MACROD2: variants seen among roughly 807,000 people sequenced by gnomAD.
MACROD2 encodes the protein mono-ADP ribosylhydrolase 2.
Under a neutral mutation model 70.4 loss-of-function variants are expected in MACROD2, and 36 were observed. That is an observed-to-expected ratio of 0.51 (90% CI 0.39 to 0.68). MACROD2 has a LOEUF of 0.68. Ranked by LOEUF, MACROD2 falls within the 30% of genes least tolerant of loss-of-function variation. The pLI is 0.00. For synonymous variants in MACROD2, 172 were observed against 178.8 expected, an observed-to-expected ratio of 0.96 and a Z score of 0.30; for missense variants, 496 against 538.4, an observed-to-expected ratio of 0.92 and a Z score of 0.78.
intron 5 of MACROD2, among the ~76,000 whole-genome samples, chr20:14,914,910 T>C (rs540108352): frequency 5.9e-5 from 9 of 152,280 alleles, no homozygotes; most frequent in African/African-American, 1.7e-4. Flanking sequence ...ATTTAACATA[T>C]ACATGCGACA....
rs138499530 is a variant in MACROD2 at position 14,459,487 on chromosome 20, A to C, written c.272-33992A>C. 3.4e-4 allele frequency among the ~76,000 whole-genome samples: 52 copies of C among 152,100 alleles called. 1 individual carries two copies. The East Asian group carries it at 5.6e-3, about 16-fold the overall frequency. ...ATATATAAATATACATGTAAATATT[A>C]TGGCATATAAACAGATTTATATATG... On this transcript the variant is annotated intron_variant, in intron 3 of 17. Transcript: ENST00000684519.
chr20:15,134,001 G>A (rs937140045), intron 5 of MACROD2, among the ~76,000 whole-genome samples: 3 of 146,660 alleles, frequency 2.0e-5, no homozygotes, highest in African/African-American at 7.5e-5. Flanking sequence ...TCTGCCTCCC[G>A]GGTCACGCCA....
intron 8 of MACROD2, among the ~76,000 whole-genome samples, chr20:15,516,540 G>A: frequency 6.6e-6 from 1 of 152,180 alleles, no homozygotes; most frequent in South Asian, 2.1e-4. Flanking sequence ...GGTGCCCAGG[G>A]CAGTGCGGGT....
intron 6 of MACROD2, among the ~76,000 whole-genome samples, chr20:15,292,303 G>A (rs1388047967): frequency 6.6e-6 from 1 of 152,136 alleles, no homozygotes; most frequent in Non-Finnish European, 1.5e-5. Flanking sequence ...ATAAAAAAAA[G>A]GGATGATATT....
chr20:14,163,032 C>A (rs1371857008), intron 3 of MACROD2, among the ~76,000 whole-genome samples: 1 of 151,902 alleles, frequency 6.6e-6, no homozygotes, highest in Non-Finnish European at 1.5e-5. Context: ...TTTGTGTTTG[C>A]TTCACCAGTG....
chr20:14,772,047 G>A (rs998723953), intron 5 of MACROD2, among the ~76,000 whole-genome samples: 4 of 151,970 alleles, frequency 2.6e-5, no homozygotes, highest in African/African-American at 9.7e-5. Context: ...ATCTCATGGT[G>A]CATGACATTT....
At chr20:14,456,483 T>C (rs1409248313) in intron 3 of MACROD2, among the ~76,000 whole-genome samples, 1 of 151,826 alleles carries the variant, frequency 6.6e-6, no homozygotes, top group Non-Finnish European at 1.5e-5. Flanking sequence ...GAAGAATCAT[T>C]AAAATATTTT....
chr20:15,880,908 T>C (rs1897583389), intron 9 of MACROD2, among the ~76,000 whole-genome samples: 1 of 152,084 alleles, frequency 6.6e-6, no homozygotes, highest in African/African-American at 2.4e-5. Context: ...TCTTTAAGAC[T>C]CAGCTGAAGT....
intron 5 of MACROD2, among the ~76,000 whole-genome samples, chr20:14,912,767 T>C (rs568731122): frequency 1.8e-4 from 27 of 152,276 alleles, no homozygotes; most frequent in African/African-American, 5.5e-4. Context: ...AAGGAAAGAC[T>C]GAGTTGAGTT....
chr20:15,637,489 T>C (rs1251050956), intron 8 of MACROD2, among the ~76,000 whole-genome samples: 2 of 152,218 alleles, frequency 1.3e-5, no homozygotes, highest in African/African-American at 2.4e-5. Flanking sequence ...TCAACACCAT[T>C]TGGTCCAGCC....
At chr20:15,796,010 G>A (rs183096839) in intron 8 of MACROD2, among the ~76,000 whole-genome samples, 226 of 152,288 alleles carry the variant, frequency 1.5e-3, no homozygotes, top group Non-Finnish European at 2.5e-3. Flanking sequence ...CAAAAGGGGT[G>A]CTTTGAGCTC....
chr20:15,411,505 T>C (rs2046078811), intron 6 of MACROD2, among the ~76,000 whole-genome samples: 1 of 152,182 alleles, frequency 6.6e-6, no homozygotes. Context: ...TTTACTGAAT[T>C]TTCTCATCTG....
At chr20:14,823,801 T>C (rs1441690657) in intron 5 of MACROD2, among the ~76,000 whole-genome samples, 1 of 152,066 alleles carries the variant, frequency 6.6e-6, no homozygotes, top group Non-Finnish European at 1.5e-5. Flanking sequence ...TGTTTGTTTG[T>C]TGTTTTTTCG....
chr20:15,649,401 G>A (rs996673611), intron 8 of MACROD2, among the ~76,000 whole-genome samples: 7 of 151,782 alleles, frequency 4.6e-5, no homozygotes, highest in East Asian at 1.9e-4. Context: ...TTTCAAGAGC[G>A]CTCCAAGAGC....
intron 15 of MACROD2, among the ~76,000 whole-genome samples, chr20:15,989,170 G>C (rs1271971794): frequency 1.3e-5 from 2 of 152,140 alleles, no homozygotes; most frequent in East Asian, 3.8e-4. Flanking sequence ...ATCATAATTT[G>C]ATACATTGAT....
At chr20:14,679,438 A>G (rs957836971) in intron 4 of MACROD2, among the ~76,000 whole-genome samples, 2 of 152,026 alleles carry the variant, frequency 1.3e-5, no homozygotes, top group Non-Finnish European at 2.9e-5. Flanking sequence ...GGAGGATATG[A>G]GAGTTGGGAG....
At chr20:15,880,020 G>A (rs551436106) in intron 9 of MACROD2, among the ~76,000 whole-genome samples, 17 of 152,236 alleles carry the variant, frequency 1.1e-4, no homozygotes, top group African/African-American at 3.1e-4. Flanking sequence ...CAGCCTTTGT[G>A]TTCTTGTTAG....
At chr20:15,308,368 T>G (rs1466918377) in intron 6 of MACROD2, among the ~76,000 whole-genome samples, 1 of 152,182 alleles carries the variant, frequency 6.6e-6, no homozygotes, top group East Asian at 1.9e-4. Flanking sequence ...TTTTAGTCAC[T>G]TCAGTGCCAT....
intron 2 of MACROD2, among the ~76,000 whole-genome samples, chr20:14,008,299 C>T (rs1488529993): frequency 6.6e-6 from 1 of 152,124 alleles, no homozygotes; most frequent in African/African-American, 2.4e-5. Flanking sequence ...TAAATGCATA[C>T]AAATCTCTAG....
Sources: gnomAD v4.1 joint callset for allele counts (sites outside exome capture counted in the v4.1 genomes callset) on GRCh38, gnomAD v4.1.1 for gene constraint, MANE v1.5 for transcripts, NCBI Gene and HGNC (gene_info 2026-07-23, HGNC 2026-07-21) for gene names.